SYT9: variants seen among roughly 807,000 people sequenced by gnomAD.
SYT9 encodes the protein synaptotagmin-9.
SYT9 carries 22 observed loss-of-function variants against 48.4 expected under a neutral mutation model. The observed-to-expected ratio is 0.45, with a 90% confidence interval of 0.32 to 0.65. SYT9 has a LOEUF of 0.65. Among genes scored for constraint, SYT9 ranks in the 30% least tolerant of loss-of-function variants. SYT9 has a pLI of 0.03. For synonymous variants in SYT9, 265 were observed against 245.0 expected (o/e 1.08, Z -0.76); for missense variants, 577 against 622.0 (o/e 0.93, Z 0.77).
chr11:7,428,153 A>G (rs969486483), intron 6 of SYT9: 3 of 152,232 alleles, frequency 2.0e-5, no homozygotes, highest in Admixed American at 6.5e-5. Flanking sequence ...CATACAAAAC[A>G]TAGGAGTACT....
intron 3 of SYT9, among the ~76,000 whole-genome samples, chr11:7,318,199 C>T (rs1849275134): frequency 6.6e-6 from 1 of 152,054 alleles, no homozygotes; most frequent in African/African-American, 2.4e-5. Context: ...AGGTACATTA[C>T]TTTTTGTTCT....
chr11:7,430,655 A>G (rs920243642), intron 6 of SYT9, among the ~76,000 whole-genome samples: 8 of 152,188 alleles, frequency 5.3e-5, no homozygotes, highest in African/African-American at 1.9e-4. Flanking sequence ...CTTGGGTCAT[A>G]TCCATCATGG....
At chr11:7,306,507 A>C (rs1036493436) in intron 2 of SYT9, among the ~76,000 whole-genome samples, 1 of 152,158 alleles carries the variant, frequency 6.6e-6, no homozygotes, top group Non-Finnish European at 1.5e-5. Context: ...CATGAACTCA[A>C]TAGGAGACTG....
chr11:7,439,977 T>G (rs74051618), intron 6 of SYT9: 1 of 152,166 alleles, frequency 6.6e-6, no homozygotes. Context: ...AATGAGGCAA[T>G]CATAGTTCCT....
chr11:7,463,866 A>G (rs2134161016), intron 6 of SYT9, among the ~76,000 whole-genome samples: 1 of 152,294 alleles, frequency 6.6e-6, no homozygotes, highest in East Asian at 1.9e-4. Flanking sequence ...ACACAAGGAA[A>G]TTCACCAAAT....
intron 6 of SYT9, among the ~76,000 whole-genome samples, chr11:7,463,190 A>G (rs1848264657): frequency 6.6e-6 from 1 of 152,168 alleles, no homozygotes; most frequent in Non-Finnish European, 1.5e-5. Context: ...GCCCATGGAA[A>G]TGGGGCTGGC....
chr11:7,392,371 G>C (rs569544078), intron 3 of SYT9, among the ~76,000 whole-genome samples: 25 of 152,012 alleles, frequency 1.6e-4, no homozygotes, highest in African/African-American at 5.3e-4. Flanking sequence ...GAATCTTTTT[G>C]CCATTGCTTA....
upstream of SYT9, among the ~76,000 whole-genome samples, chr11:7,248,985 A>G (rs1435636860): frequency 6.6e-6 from 1 of 152,222 alleles, no homozygotes; most frequent in East Asian, 1.9e-4. Flanking sequence ...AAAAATAGGT[A>G]TACAGACCAA....
chr11:7,408,186 T>C (rs1418897866), intron 3 of SYT9, among the ~76,000 whole-genome samples: 1 of 152,216 alleles, frequency 6.6e-6, no homozygotes, highest in Non-Finnish European at 1.5e-5. Context: ...TGGAGTGCAA[T>C]GGCATGATCT....
chr11:7,329,419 T>C (rs1849490476), intron 3 of SYT9, among the ~76,000 whole-genome samples: 1 of 152,250 alleles, frequency 6.6e-6, no homozygotes, highest in Admixed American at 6.5e-5. Context: ...ATTTTCATAC[T>C]TTTGACATCT....
At chr11:7,266,229 T>G (rs12576021) in intron 1 of SYT9, among the ~76,000 whole-genome samples, 43,542 of 151,972 alleles carry the variant, frequency 0.29, 6,455 homozygotes, top group South Asian at 0.42. Context: ...TGACTGCTAC[T>G]TTAGATTTAA....
upstream of SYT9, among the ~76,000 whole-genome samples, chr11:7,247,544 C>T (rs374090790): frequency 5.8e-4 from 81 of 139,882 alleles, no homozygotes; most frequent in Non-Finnish European, 9.8e-4. Context: ...TATATATACA[C>T]GTATACATGT....
intron 3 of SYT9, among the ~76,000 whole-genome samples, chr11:7,318,549 G>A (rs762997164): frequency 1.1e-4 from 16 of 152,138 alleles, no homozygotes; most frequent in Non-Finnish European, 7.4e-5. Context: ...CCTAACCTCA[G>A]TGGATCTGCC....
At chr11:7,361,245 C>A (rs1310148455) in intron 3 of SYT9, among the ~76,000 whole-genome samples, 1 of 151,730 alleles carries the variant, frequency 6.6e-6, no homozygotes, top group South Asian at 2.1e-4. Context: ...TTCATTGCAT[C>A]TTGTGGGTCA....
intron 3 of SYT9, among the ~76,000 whole-genome samples, chr11:7,415,176 C>T (rs1048059408): frequency 3.3e-5 from 5 of 152,162 alleles, no homozygotes; most frequent in Non-Finnish European, 5.9e-5. Flanking sequence ...GAAAGGCAGG[C>T]AGCAGGGCCA....
At chr11:7,373,891 T>G (rs189245903) in intron 3 of SYT9, among the ~76,000 whole-genome samples, 1 of 152,072 alleles carries the variant, frequency 6.6e-6, no homozygotes, top group Non-Finnish European at 1.5e-5. Context: ...CAACATTCTT[T>G]TTACATTTTT....
chr11:7,455,451 A>G (rs1848133852), intron 6 of SYT9, among the ~76,000 whole-genome samples: 1 of 150,464 alleles, frequency 6.6e-6, no homozygotes, highest in South Asian at 2.1e-4. Flanking sequence ...CTCCTACCTC[A>G]GCCTCCCAAG....
At chr11:7,362,758 C>A (rs878946311) in intron 3 of SYT9, among the ~76,000 whole-genome samples, 1 of 152,152 alleles carries the variant, frequency 6.6e-6, no homozygotes. Context: ...TTAGAAGTGT[C>A]TGTTGTAAAT....
intron 3 of SYT9, among the ~76,000 whole-genome samples, chr11:7,353,984 C>T (rs1044113148): frequency 2.0e-5 from 3 of 151,988 alleles, no homozygotes; most frequent in African/African-American, 7.3e-5. Context: ...CTTTATACTA[C>T]AATTAGCAAA....
Sources: gnomAD v4.1 joint callset for allele counts (sites outside exome capture counted in the v4.1 genomes callset) on GRCh38, gnomAD v4.1.1 for gene constraint, MANE v1.5 for transcripts, NCBI Gene and HGNC (gene_info 2026-07-23, HGNC 2026-07-21) for gene names.